The following ADGRV1 variants were observed in gnomAD, a reference collection of about 807,000 sequenced individuals.
The protein encoded by ADGRV1 is G-protein coupled receptor 98.
Under a neutral mutation model 596.2 loss-of-function variants are expected in ADGRV1, and 359 were observed. That is an observed-to-expected ratio of 0.60 (90% CI 0.55 to 0.66). The LOEUF (loss-of-function observed/expected upper bound fraction) is 0.66, where lower values mean the gene tolerates loss of function less well. Ranked by LOEUF, ADGRV1 falls within the 30% of genes least tolerant of loss-of-function variation. ADGRV1 has a pLI of 0.00. For synonymous variants in ADGRV1, 2,681 were observed against 2,679.2 expected, an observed-to-expected ratio of 1.00 and a Z score of -0.02; for missense variants, 7,274 against 7,575.6, an observed-to-expected ratio of 0.96 and a Z score of 1.48.
intron 1 of ADGRV1, among the ~76,000 whole-genome samples, chr5:90,577,497 C>G (rs538117419): frequency 1.3e-5 from 2 of 152,226 alleles, no homozygotes; most frequent in South Asian, 4.1e-4. Flanking sequence ...GGTACCAGTA[C>G]CATGCTGTTT....
chr5:90,853,258 A>G, intron 79 of ADGRV1, 26 bp from the exon 80 acceptor site: 1 of 1,571,496 alleles, frequency 6.4e-7, no homozygotes, highest in Non-Finnish European at 8.6e-7. Flanking sequence ...TGCCATTTTT[A>G]CAGACCCTTT....
At chr5:90,832,936 A>G (rs565508364) in intron 77 of ADGRV1, among the ~76,000 whole-genome samples, 2 of 152,226 alleles carry the variant, frequency 1.3e-5, no homozygotes, top group African/African-American at 4.8e-5. Context: ...TCTGGGTTCT[A>G]TTCCATTCTG....
At chr5:90,602,274 C>T (rs1008861016) in intron 1 of ADGRV1, among the ~76,000 whole-genome samples, 9 of 152,050 alleles carry the variant, frequency 5.9e-5, no homozygotes, top group South Asian at 2.1e-4. Flanking sequence ...TTTGATTTAA[C>T]GGAAAACAGT....
At position 91,164,100 on chromosome 5, in the gene ADGRV1, C is replaced by T. The variant is rs1797178184; in HGVS notation, c.*200C>T. ...TTCACTGCTATAAGAAAGGTGGAGT[C>T]AGTTTGTATCAGTTAATAGGATGTT... On this transcript the variant is annotated 3_prime_UTR_variant, in exon 90 of 90. Transcript: ENST00000405460. 2 of 662,164 alleles carry T rather than the reference C, an allele frequency of 3.0e-6. No individual in the cohort carries two copies. The highest frequency in any genetic ancestry group is 5.5e-6 in the Non-Finnish European group (2 of 361,228). 41.0% of individuals were successfully genotyped at this position (662,164 alleles called of 1,614,324 possible).
chr5:90,579,667 C>A (rs984930947), intron 1 of ADGRV1, among the ~76,000 whole-genome samples: 1 of 152,090 alleles, frequency 6.6e-6, no homozygotes, highest in African/African-American at 2.4e-5. Context: ...TCCTTGTTAA[C>A]CTTCTGTCTC....
chr5:91,144,080 G>T (rs1013427019), intron 87 of ADGRV1, among the ~76,000 whole-genome samples: 5 of 148,342 alleles, frequency 3.4e-5, no homozygotes, highest in Non-Finnish European at 7.4e-5. Flanking sequence ...CAGGGGCAGT[G>T]GGGGGCTTCC....
chr5:91,072,593 C>A lies in ADGRV1; in HGVS notation c.18299C>A (p.Thr6100Lys). Residue 6100 changes from threonine (T) to lysine (K), a missense_variant, in exon 86 of 90, where the codon ACA (threonine) becomes AAA (lysine). This residue lies in a region of ADGRV1 where 1,874 missense variants were observed against 1,970.2 expected (regional missense o/e 0.95). Transcript: ENST00000405460. ...TATGATGATGTCTTCAGAGGAAGGA[C>A]AAATGCTGCAGGTTTGAAAGGAACT... is the stretch of plus-strand genomic sequence containing the variant. Reference protein sequence around the residue: ...KAYDDVFRGRTNAAEIPLILY... With the variant: ...KAYDDVFRGRKNAAEIPLILY... 6.2e-7 allele frequency: 1 copy of A among 1,613,596 alleles called. No homozygotes were observed. The highest frequency in any genetic ancestry group is 8.5e-7 in the Non-Finnish European group (1 of 1,179,610).
At chr5:91,001,688 A>T (rs1202979124) in intron 85 of ADGRV1, among the ~76,000 whole-genome samples, 1 of 152,200 alleles carries the variant, frequency 6.6e-6, no homozygotes, top group Admixed American at 6.5e-5. Context: ...AATTGCAGTA[A>T]AATCTATCCA....
Position 90,810,578 on chromosome 5 carries a change from T to A in ADGRV1, c.15318T>A (p.Asp5106Glu). Residue 5106 changes from aspartate (D) to glutamate (E), a missense_variant, in exon 74 of 90, where the codon GAT (aspartate) becomes GAA (glutamate). Asp to Glu is a conservative substitution (Grantham distance 45). Coordinates refer to ENST00000405460, the MANE Select transcript of ADGRV1 (RefSeq NM_032119.4). ...AAATTAGGGGATTACAAAAGTTTGA[T>A]GTTAATTGGAGCCCACGCCTGAATC... Reference protein sequence around the residue: ...SVEIRGLQKFDVNWSPRLNLD... With the variant: ...SVEIRGLQKFEVNWSPRLNLD... The A allele has an allele frequency of 2.5e-6, 4 of 1,614,010 alleles. No individual in the cohort carries two copies. Among genetic ancestry groups the A allele is most frequent in the Non-Finnish European group, 3.4e-6 (4 of 1,179,890 alleles).
Position 90,625,150 on chromosome 5 carries a change from C to G in ADGRV1, c.579C>G (p.Pro193=), listed in dbSNP as rs1280740840. Residue 193 remains proline, a synonymous_variant, in exon 6 of 90, where the codon CCC becomes CCG. Coordinates refer to ENST00000405460, the MANE Select transcript of ADGRV1 (RefSeq NM_032119.4). ...TGCAGGTAGAGGGTGGCCCAAATCC[C>G]CCTGATGAAGATTTGAGTCCAGTTA... ...VTFEVEGGPN[P]PDEDLSPVKG... 4 of 1,610,692 alleles carry G rather than the reference C, an allele frequency of 2.5e-6. No individual in the cohort carries two copies. Among genetic ancestry groups the G allele is most frequent in the Non-Finnish European group, 3.4e-6 (4 of 1,177,780 alleles).
chr5:90,725,173 G>C lies in ADGRV1; in HGVS notation c.9994G>C (p.Glu3332Gln). 1 of 1,552,130 alleles carries C rather than the reference G, an allele frequency of 6.4e-7. No homozygotes were observed. Among genetic ancestry groups the C allele is most frequent in the Non-Finnish European group, 8.7e-7 (1 of 1,144,462 alleles). Residue 3332 changes from glutamate to glutamine, a missense_variant, in exon 47 of 90, where the codon GAA becomes CAA. Glu to Gln is a conservative substitution (Grantham distance 29). Transcript: ENST00000405460. ...YFVITHEERN[E>Q]EKPSLNSVFT... ...TGTGATTACTCATGAAGAAAGAAAT[G>C]AAGAAAAGCCTTCTCTTAACAGTGT...
rs368163419 is a variant in ADGRV1 at position 90,646,043 on chromosome 5, A to G, written c.2974A>G (p.Thr992Ala). The G allele has an allele frequency of 2.0e-4, 320 of 1,604,040 alleles. No individual in the cohort carries two copies. Among genetic ancestry groups the G allele is most frequent in the Non-Finnish European group, 2.5e-4 (296 of 1,174,480 alleles). Reference sequence around the variant, plus strand: ...AGGAGCTAAAGTGGGAAATAGAACAACTGCAACTCTGAGGATTAGAAGAAA... The same window carrying G: ...AGGAGCTAAAGTGGGAAATAGAACAGCTGCAACTCTGAGGATTAGAAGAAA... ...TGGAKVGNRT[T>A]ATLRIRRNDD... The change falls in exon 16 of 90, where the codon ACT (threonine) becomes GCT (alanine). Residue 992 changes from threonine (T) to alanine (A), a missense_variant. Thr to Ala is a moderately conservative substitution (Grantham distance 58). Around this residue, in one of 5 missense-constraint regions of ADGRV1, gnomAD observed 1,715 missense variants for 1,708.8 expected, o/e 1.00. Coordinates refer to ENST00000405460, the MANE Select transcript of ADGRV1 (RefSeq NM_032119.4).
chr5:91,010,267 G>C (rs1243560268), intron 85 of ADGRV1, among the ~76,000 whole-genome samples: 1 of 152,030 alleles, frequency 6.6e-6, no homozygotes, highest in African/African-American at 2.4e-5. Flanking sequence ...AGTTTCATAC[G>C]CAGTTCCTGG....
chr5:90,602,905 G>A (rs1761594606), intron 1 of ADGRV1, among the ~76,000 whole-genome samples: 1 of 152,202 alleles, frequency 6.6e-6, no homozygotes, highest in Non-Finnish European at 1.5e-5. Context: ...CATGCAAAGT[G>A]GTGTGGCAGT....
At chr5:90,616,779 AT>A (rs986721929) in intron 2 of ADGRV1, among the ~76,000 whole-genome samples, 2 of 152,138 alleles carry the variant, frequency 1.3e-5, no homozygotes, top group Non-Finnish European at 2.9e-5. Context: ...TCTTCTAGCT[AT>A]TTTGATATAT....
chr5:91,080,937 A>G (rs1238836482), intron 86 of ADGRV1, among the ~76,000 whole-genome samples: 1 of 152,174 alleles, frequency 6.6e-6, no homozygotes, highest in Non-Finnish European at 1.5e-5. Context: ...TCTACACTTC[A>G]TCAATATCTC....
chr5:91,101,784 C>A (rs559495588), intron 86 of ADGRV1, among the ~76,000 whole-genome samples: 1 of 150,484 alleles, frequency 6.6e-6, no homozygotes, highest in South Asian at 2.1e-4. Flanking sequence ...CACACACGTG[C>A]GCATGCACAC....
chr5:90,924,334 G>C (rs1184004499), intron 83 of ADGRV1, among the ~76,000 whole-genome samples: 2 of 151,858 alleles, frequency 1.3e-5, no homozygotes, highest in Admixed American at 1.3e-4. Context: ...TAACTGGTGT[G>C]AGATGGTATC....
At chr5:90,621,944 G>A (rs1445853888) in intron 4 of ADGRV1, among the ~76,000 whole-genome samples, 1 of 152,090 alleles carries the variant, frequency 6.6e-6, no homozygotes, top group Non-Finnish European at 1.5e-5. Flanking sequence ...CTTCAAGACG[G>A]ACATTGCTAA....
Sources: allele counts gnomAD v4.1 joint callset (sites outside exome capture counted in the v4.1 genomes callset), GRCh38; gene constraint gnomAD v4.1.1; regional missense constraint gnomAD v4.1.1; transcripts MANE v1.5; gene names NCBI Gene and HGNC (gene_info 2026-07-23, HGNC 2026-07-21).